Variants in SPNS2 observed in about 807,000 individuals in gnomAD.
SPNS2 encodes sphingosine-1-phosphate transporter SPNS2.
SPNS2 carries 37 observed loss-of-function variants against 57.6 expected under a neutral mutation model. The observed-to-expected ratio is 0.64, with a 90% CI of 0.49 to 0.85. The LOEUF is 0.85. SPNS2 is among the 40% of genes least tolerant of loss of function. The pLI is 0.00. For synonymous variants in SPNS2, 440 were observed against 346.9 expected (o/e 1.27, Z -2.98); for missense variants, 831 against 779.1 (o/e 1.07, Z -0.79).
chr17:4,514,611 T>TC (rs1037763270), intron 2 of SPNS2, among the ~76,000 whole-genome samples: 1 of 152,134 alleles, frequency 6.6e-6, no homozygotes, highest in African/African-American at 2.4e-5. Context: ...CGGTCCAGTA[T>TC]CCCCTATAGG....
intron 2 of SPNS2, among the ~76,000 whole-genome samples, chr17:4,519,341 C>T (rs186230986): frequency 4.1e-4 from 63 of 152,344 alleles, no homozygotes; most frequent in Non-Finnish European, 6.2e-4. Flanking sequence ...TGGCTCCGCT[C>T]ACCATGGACA....
At position 4,536,829 on chromosome 17, in the gene SPNS2, T is replaced by C. The variant is rs764477361; in HGVS notation, c.1608-71T>C. 6 of 1,299,904 alleles carry C rather than the reference T, an allele frequency of 4.6e-6. No individual in the cohort carries two copies. The East Asian group carries it at 9.3e-5, about 20-fold the overall frequency. The allele number at this position is 1,299,904 out of a possible 1,614,324, so 80.5% of individuals were successfully genotyped here. ...CGGTCAGCTGGCCCCCACGACACGA[T>C]GTGCCAGAGCAGTGCCCGGGCCCGG... On this transcript the variant is annotated intron_variant, in intron 11 of 12. Coordinates refer to ENST00000329078, the MANE Select transcript of SPNS2 (RefSeq NM_001124758.3).
At chr17:4,532,743 C>A in intron 6 of SPNS2, 59 bp downstream of exon 6, 1 of 1,578,752 alleles carries the variant, frequency 6.3e-7, no homozygotes, top group Non-Finnish European at 8.6e-7. Flanking sequence ...ATGAGAGGGC[C>A]TGTCCCTGCA....
intron 1 of SPNS2, among the ~76,000 whole-genome samples, chr17:4,503,305 A>G (rs1904583724): frequency 6.6e-6 from 1 of 152,142 alleles, no homozygotes; most frequent in Admixed American, 6.5e-5. Flanking sequence ...GGGTAGATGA[A>G]TTTCAGTTTA....
intron 1 of SPNS2, among the ~76,000 whole-genome samples, chr17:4,502,592 C>T (rs546413833): frequency 6.6e-6 from 1 of 152,266 alleles, no homozygotes; most frequent in African/African-American, 2.4e-5. Flanking sequence ...TTCAGCTTCC[C>T]AGCCGTGTGA....
At chr17:4,524,066 T>C (rs374451345) in intron 2 of SPNS2, among the ~76,000 whole-genome samples, 3 of 152,318 alleles carry the variant, frequency 2.0e-5, no homozygotes, top group African/African-American at 4.8e-5. Flanking sequence ...GGAAAGGCCC[T>C]GCGGCGCGCT....
rs1368740370 is a variant in SPNS2, at chr17:4,533,072, A to C, written c.1031A>C (p.Gln344Pro). ...ATCCCGCTCTACCTGCACCGCGCCC[A>C]AGTTGTGCAGAAGACAGCAGAGACG... is the stretch of plus-strand genomic sequence containing the variant. ...MWIPLYLHRAQVVQKTAETCN... is the reference protein window; with the variant it reads ...MWIPLYLHRAPVVQKTAETCN... Residue 344 changes from glutamine to proline, a missense_variant, in exon 7 of 13, where the codon CAA becomes CCA. Transcript: ENST00000329078. 3 of 1,613,126 alleles carry C rather than the reference A, an allele frequency of 1.9e-6. No individual in the cohort carries two copies. The highest frequency in any genetic ancestry group is 2.5e-6 in the Non-Finnish European group (3 of 1,179,914).
chr17:4,538,832 C>T lies in SPNS2; in HGVS notation c.*1384C>T. 1 of 776,648 alleles carries T rather than the reference C, an allele frequency of 1.3e-6. No individual in the cohort carries two copies. Among genetic ancestry groups the T allele is most frequent in the Non-Finnish European group, 2.4e-6 (1 of 416,364 alleles). The allele number at this position is 776,648 out of a possible 1,614,324, so 48.1% of individuals were successfully genotyped here. A position where few individuals can be genotyped will look rare whatever the true frequency, so the allele number is the denominator to read the frequency against. ...GGGGGTGGCATCCTCCAAAGACCAG[C>T]CTCCACCCCCACTCCAGCCTCAGCG... is the stretch of plus-strand genomic sequence containing the variant. On this transcript the variant is annotated 3_prime_UTR_variant, in exon 13 of 13. Coordinates refer to ENST00000329078, the MANE Select transcript of SPNS2 (RefSeq NM_001124758.3).
intron 2 of SPNS2, among the ~76,000 whole-genome samples, chr17:4,521,278 C>T (rs974178182): frequency 6.6e-6 from 1 of 152,228 alleles, no homozygotes; most frequent in Admixed American, 6.5e-5. Context: ...TCCTCCTCCC[C>T]CAACATGTGT....
At chr17:4,536,008 G>A (rs780736063) in intron 9 of SPNS2, 68 bp from the exon 10 acceptor site, 76 of 1,404,780 alleles carry the variant, frequency 5.4e-5, no homozygotes, top group Admixed American at 1.5e-4. Flanking sequence ...AAGTGCCACG[G>A]CCCGGGGCCA....
chr17:4,502,236 C>T (rs1220479984), intron 1 of SPNS2, among the ~76,000 whole-genome samples: 1 of 151,998 alleles, frequency 6.6e-6, no homozygotes, highest in Non-Finnish European at 1.5e-5. Flanking sequence ...CAAAAATTAG[C>T]TAGCATGGTG....
At chr17:4,525,342 G>A in intron 3 of SPNS2, 149 bp downstream of exon 3, 1 of 1,202,036 alleles carries the variant, frequency 8.3e-7, no homozygotes. Context: ...AGGACAGGTG[G>A]TCTTCGGGTA....
intron 4 of SPNS2, 69 bp downstream of exon 4, chr17:4,530,852 C>T (rs923153194): frequency 1.3e-6 from 2 of 1,564,358 alleles, no homozygotes; most frequent in African/African-American, 2.7e-5. Context: ...CTGAGTTCTC[C>T]CACTCCCTGG....
rs1345362683 is a variant in SPNS2, at chr17:4,499,141, C to G, written c.94C>G (p.Arg32Gly). ...GCGGCGCCGGCGCCGGGGGGCGCAG[C>G]GAGGGGCTGGCGGTAGCGGTTGCTG... ...ERRRRRRGAQRGAGGSGCCGA... is the reference protein window; with the variant it reads ...ERRRRRRGAQGGAGGSGCCGA... Residue 32 changes from arginine (R) to glycine (G), a missense_variant, in exon 1 of 13, where the codon CGA becomes GGA. Coordinates refer to ENST00000329078, the MANE Select transcript of SPNS2 (RefSeq NM_001124758.3). This position sits in a 1 kb window ranked among gnomAD's most constrained non-coding sequence, Gnocchi z 5.2. 1.7e-6 allele frequency: 2 copies of G among 1,173,692 alleles called. No homozygotes were observed. Among genetic ancestry groups the G allele is most frequent in the Admixed American group, 4.6e-5 (1 of 21,656 alleles). The allele number at this position is 1,173,692 out of a possible 1,614,324, so 72.7% of individuals were successfully genotyped here. A position where few individuals can be genotyped will look rare whatever the true frequency, so the allele number is the denominator to read the frequency against.
rs775503768 is a variant in SPNS2, at chr17:4,533,330, C to G, written c.1176C>G (p.Thr392=). Residue 392 remains threonine, a synonymous_variant, in exon 8 of 13, where the codon ACC becomes ACG. Coordinates refer to ENST00000329078, the MANE Select transcript of SPNS2 (RefSeq NM_001124758.3). ...AGATRWCRLK[T]QRADPLVCAV... is the part of the protein sequence containing the mutation. ...CCACGCGCTGGTGCCGCCTGAAGAC[C>G]CAGCGGGCCGACCCACTGGTGTGTG... 8.1e-5 allele frequency: 131 copies of G among 1,611,848 alleles called. No homozygotes were observed. Among genetic ancestry groups the G allele is most frequent in the Non-Finnish European group, 1.1e-4 (129 of 1,179,660 alleles).
chr17:4,513,422 G>A, intron 2 of SPNS2, 110 bp downstream of exon 2: 1 of 1,188,956 alleles, frequency 8.4e-7, no homozygotes, highest in Non-Finnish European at 1.2e-6. Flanking sequence ...CCTGACTCCT[G>A]GAAAGAGAGT....
In SPNS2 at chr17:4,533,310, C is replaced by T. The variant is rs1368160923; in HGVS notation, c.1156C>T (p.Arg386Cys). 4 of 1,611,710 alleles carry T rather than the reference C, an allele frequency of 2.5e-6. No individual in the cohort carries two copies. Among genetic ancestry groups the T allele is most frequent in the South Asian group, 2.2e-5 (2 of 90,962 alleles). ...CGTGGTCACGGGGGCAGGAGCCACG[C>T]GCTGGTGCCGCCTGAAGACCCAGCG... ...LGVVTGAGAT[R>C]WCRLKTQRAD... The change falls in exon 8 of 13, where the codon CGC (arginine) becomes TGC (cysteine). Residue 386 changes from arginine to cysteine, a missense_variant. Physicochemically the swap from Arg to Cys is radical, Grantham distance 180 (BLOSUM62 -3). Coordinates refer to ENST00000329078, the MANE Select transcript of SPNS2 (RefSeq NM_001124758.3).
chr17:4,508,810 C>T (rs748831869), intron 1 of SPNS2, among the ~76,000 whole-genome samples: 11 of 152,170 alleles, frequency 7.2e-5, no homozygotes, highest in Admixed American at 2.0e-4. Flanking sequence ...GCCAGTGGAT[C>T]TTAAAGGACT....
At chr17:4,508,650 G>A (rs1421546830) in intron 1 of SPNS2, among the ~76,000 whole-genome samples, 2 of 152,240 alleles carry the variant, frequency 1.3e-5, no homozygotes, top group Non-Finnish European at 2.9e-5. Context: ...AATTCTGGGC[G>A]GCAATGGGGC....
Sources: allele counts gnomAD v4.1 joint callset (sites outside exome capture counted in the v4.1 genomes callset), GRCh38; gene constraint gnomAD v4.1.1; non-coding constraint Gnocchi (gnomAD v3.1); transcripts MANE v1.5; gene names NCBI Gene and HGNC (gene_info 2026-07-23, HGNC 2026-07-21).